Variants in GAB3 observed in about 807,000 individuals in gnomAD.
GAB3 encodes the protein GRB2 associated binding protein 3, also known as GRB2-associated-binding protein 3.
A neutral mutation model predicts 40.4 loss-of-function variants in GAB3; 12 were observed. That is an observed-to-expected ratio of 0.30 (90% CI 0.19 to 0.48). The LOEUF is 0.48. Ranked by LOEUF, GAB3 falls within the 20% of genes least tolerant of loss-of-function variation. The pLI, the probability that GAB3 is intolerant of heterozygous loss-of-function variation, is 0.99. For missense variants in GAB3, 381 were observed against 461.9 expected (o/e 0.82, Z 1.61); for synonymous variants, 154 against 176.7 (o/e 0.87, Z 1.02).
chrX:154,750,975 G>A lies in GAB3; in HGVS notation c.51C>T (p.Pro17=). The A allele has an allele frequency of 1.2e-6, 1 of 818,857 alleles. No homozygotes were observed. The highest frequency in any genetic ancestry group is 1.5e-6 in the Non-Finnish European group (1 of 673,256). 67.5% of individuals were successfully genotyped at this position (818,857 alleles called of 1,213,427 possible). Residue 17 remains proline, a synonymous_variant, in exon 1 of 10, where the codon CCC becomes CCT. Transcript: ENST00000424127. The part of the protein sequence containing the change: ...VCTGWLVKSP[P]ERKLQRYAWR... ...TCACGTAGCGCTGTAGCTTCCTCTC[G>A]GGGGGCGACTTAACGAGCCAGCCGG...
intron 6 of GAB3, among the ~76,000 whole-genome samples, chrX:154,698,729 G>T (rs2070698216): frequency 8.9e-6 from 1 of 112,223 alleles, no homozygotes; most frequent in Admixed American, 9.4e-5. Context: ...CTGCCTGGGA[G>T]TAAGACAGAA....
At chrX:154,691,247 T>C (rs1408012269) in intron 8 of GAB3, among the ~76,000 whole-genome samples, 1 of 83,722 alleles carries the variant, frequency 1.2e-5, no homozygotes, top group Admixed American at 1.6e-4. Context: ...GAAGGGGAAC[T>C]TCACACTCTG....
chrX:154,711,515 T>G (rs60001847), intron 4 of GAB3, among the ~76,000 whole-genome samples: 1 of 111,322 alleles, frequency 9.0e-6, no homozygotes, highest in Non-Finnish European at 1.9e-5. Context: ...AAGATGGAAC[T>G]GCAAGCAGAA....
At chrX:154,725,519 A>G (rs1358633677) in intron 1 of GAB3, among the ~76,000 whole-genome samples, 2 of 110,918 alleles carry the variant, frequency 1.8e-5, no homozygotes, top group Non-Finnish European at 3.8e-5. Context: ...TTTCTCAACC[A>G]TGGCTATCTC....
chrX:154,748,492 T>A (rs2071562017), intron 1 of GAB3, among the ~76,000 whole-genome samples: 1 of 112,012 alleles, frequency 8.9e-6, no homozygotes, highest in South Asian at 3.7e-4. Context: ...AAACAAAAAA[T>A]ACAGATGAAA....
At chrX:154,740,002 T>C (rs1179379918) in intron 1 of GAB3, among the ~76,000 whole-genome samples, 1 of 112,920 alleles carries the variant, frequency 8.9e-6, no homozygotes, top group East Asian at 2.7e-4. Flanking sequence ...TTTTCAAAGA[T>C]AAAAACATTT....
At chrX:154,734,220 T>C (rs1395019488) in intron 1 of GAB3, among the ~76,000 whole-genome samples, 1 of 112,494 alleles carries the variant, frequency 8.9e-6, no homozygotes, top group Non-Finnish European at 1.9e-5. Flanking sequence ...CATGACTTAG[T>C]GGTGAAATAA....
At chrX:154,696,277 C>T (rs1325822789) in intron 7 of GAB3, among the ~76,000 whole-genome samples, 2 of 89,031 alleles carry the variant, frequency 2.2e-5, no homozygotes, top group East Asian at 3.3e-4. Context: ...TCTAAACGGA[C>T]GAGGGCATCA....
intron 4 of GAB3, among the ~76,000 whole-genome samples, chrX:154,709,446 G>A (rs1398633406): frequency 7.5e-5 from 8 of 107,264 alleles, no homozygotes; most frequent in Non-Finnish European, 1.2e-4. Context: ...TCAGCCTCCC[G>A]AGTAGCTGGG....
chrX:154,691,447 A>G (rs959052601), intron 8 of GAB3, among the ~76,000 whole-genome samples: 20 of 111,663 alleles, frequency 1.8e-4, no homozygotes, highest in African/African-American at 4.9e-4. Context: ...AAGAAAAAAA[A>G]GAACAAAATA....
intron 4 of GAB3, among the ~76,000 whole-genome samples, chrX:154,703,736 G>A (rs56694562): frequency 0.039 from 4,409 of 111,992 alleles, 83 homozygotes; most frequent in Non-Finnish European, 0.049. Flanking sequence ...CAAAAGACAG[G>A]CAATAACAAA....
At chrX:154,690,290 G>A (rs1459423170) in intron 8 of GAB3, among the ~76,000 whole-genome samples, 7 of 112,001 alleles carry the variant, frequency 6.2e-5, no homozygotes, top group South Asian at 3.7e-4. Flanking sequence ...AGACTTAAGC[G>A]TTAGACCTAA....
chrX:154,750,991 A>G lies in GAB3; in HGVS notation c.35T>C (p.Leu12Pro). ...CTTCCTCTCGGGGGGCGACTTAACG[A>G]GCCAGCCGGTGCACACTGCGTCGCC... ...SAGDAVCTGW[L>P]VKSPPERKLQ... The change falls in exon 1 of 10, where the codon CTC (leucine) becomes CCC (proline). Residue 12 changes from leucine (L) to proline (P), a missense_variant. Leu to Pro is a moderately conservative substitution (Grantham distance 98). Around this residue, in one of 2 missense-constraint regions of GAB3, gnomAD observed 364 missense variants for 421.0 expected, o/e 0.86. Transcript: ENST00000424127. 2.5e-6 allele frequency: 2 copies of G among 815,067 alleles called. No individual in the cohort carries two copies. The highest frequency in any genetic ancestry group is 2.4e-5 in the African/African-American group (1 of 41,435). 67.2% of individuals were successfully genotyped at this position (815,067 alleles called of 1,213,427 possible).
intron 8 of GAB3, among the ~76,000 whole-genome samples, chrX:154,690,904 G>C (rs9795438): frequency 0.044 from 4,527 of 103,219 alleles, 540 homozygotes; most frequent in African/African-American, 0.18. Context: ...TTGACCCAGT[G>C]ATCCCATTAC....
chrX:154,750,926 C>G (rs1557262585), intron 1 of GAB3, 28 bp downstream of exon 1: 9 of 772,946 alleles, frequency 1.2e-5, no homozygotes, highest in Non-Finnish European at 1.2e-5. Flanking sequence ...GACGCGAAGG[C>G]CGGGCGGGTG....
At chrX:154,680,522 G>A (rs2070359044) in intron 8 of GAB3, among the ~76,000 whole-genome samples, 1 of 112,368 alleles carries the variant, frequency 8.9e-6, no homozygotes. Flanking sequence ...TCACGAATCT[G>A]ACAGGCCTGT....
chrX:154,701,686 T>C (rs1410721200), intron 4 of GAB3, among the ~76,000 whole-genome samples: 4 of 111,923 alleles, frequency 3.6e-5, no homozygotes, highest in African/African-American at 6.5e-5. Flanking sequence ...AAAATCAACA[T>C]AGAAAAATCA....
In GAB3 at chrX:154,678,053, C is replaced by G. The variant is rs972292891; in HGVS notation, c.*125G>C. On this transcript the variant is annotated 3_prime_UTR_variant, in exon 10 of 10. Transcript: ENST00000424127. ...GCCAAGACCTTGAAAACTACACATT[C>G]TCTCTTGGTTTTGACCTGTGTTGAC... 2.7e-5 allele frequency: 12 copies of G among 436,685 alleles called. No individual in the cohort carries two copies. The highest frequency in any genetic ancestry group is 4.4e-5 in the Non-Finnish European group (11 of 250,344). 36.0% of individuals were successfully genotyped at this position (436,685 alleles called of 1,213,427 possible). A position where few individuals can be genotyped will look rare whatever the true frequency, so the allele number is the denominator to read the frequency against.
intron 2 of GAB3, among the ~76,000 whole-genome samples, chrX:154,714,706 T>C (rs907735119): frequency 3.6e-4 from 40 of 111,995 alleles, no homozygotes; most frequent in Admixed American, 5.7e-4. Context: ...ACATATTATA[T>C]ATGTATGTTT....
Sources: allele counts gnomAD v4.1 joint callset (sites outside exome capture counted in the v4.1 genomes callset), GRCh38; gene constraint gnomAD v4.1.1; regional missense constraint gnomAD v4.1.1; transcripts MANE v1.5; gene names NCBI Gene and HGNC (gene_info 2026-07-23, HGNC 2026-07-21).